PTPRD: variants seen among roughly 807,000 people sequenced by gnomAD.
PTPRD encodes receptor-type tyrosine-protein phosphatase delta.
A neutral mutation model predicts 214.5 loss-of-function variants in PTPRD; 34 were observed. That is an observed-to-expected ratio of 0.16 (90% CI 0.12 to 0.21). The LOEUF is 0.21. Ranked by LOEUF, PTPRD falls within the 10% of genes least tolerant of loss-of-function variation. The probability of loss-of-function intolerance (pLI) is 1.00; values close to 1 mark genes in which losing one functional copy is unlikely to be tolerated. For synonymous variants in PTPRD, 1,128 were observed against 845.7 expected (o/e 1.33, Z -5.79); for missense variants, 2,545 against 2,398.7 (o/e 1.06, Z -1.27).
At chr9:9,458,595 C>T (rs182755580) in intron 8 of PTPRD, among the ~76,000 whole-genome samples, 1 of 152,040 alleles carries the variant, frequency 6.6e-6, no homozygotes, top group East Asian at 1.9e-4. Flanking sequence ...GTTGTTGTTG[C>T]TGTTGTTTCC....
At chr9:9,585,561 C>A (rs946616136) in intron 7 of PTPRD, among the ~76,000 whole-genome samples, 7 of 152,044 alleles carry the variant, frequency 4.6e-5, no homozygotes, top group Middle Eastern at 3.2e-3. Context: ...ACCCACTTTG[C>A]TCCTTGGATT....
At chr9:10,078,194 A>G (rs1440866318) in intron 3 of PTPRD, among the ~76,000 whole-genome samples, 1 of 151,908 alleles carries the variant, frequency 6.6e-6, no homozygotes, top group African/African-American at 2.4e-5. Flanking sequence ...TAATTATGCA[A>G]AATCATAGAT....
chr9:9,428,196 G>A (rs374908726), intron 8 of PTPRD, among the ~76,000 whole-genome samples: 45 of 151,830 alleles, frequency 3.0e-4, no homozygotes, highest in Admixed American at 1.4e-3. Context: ...CACAGGCTCA[G>A]AATAAAGGGA....
chr9:9,321,049 G>T (rs138417514), intron 9 of PTPRD, among the ~76,000 whole-genome samples: 10 of 152,266 alleles, frequency 6.6e-5, no homozygotes, highest in African/African-American at 2.4e-4. Context: ...CAGCATCAGT[G>T]AAAATGATTT....
At chr9:10,591,374 A>C (rs1250262232) in intron 2 of PTPRD, among the ~76,000 whole-genome samples, 9 of 152,086 alleles carry the variant, frequency 5.9e-5, no homozygotes, top group Admixed American at 5.9e-4. Context: ...ACGTGTTTTG[A>C]GAAGACAAAT....
At position 8,331,611 on chromosome 9, in the gene PTPRD, G is replaced by A. The variant is rs1210565234; in HGVS notation, c.5505C>T (p.Gly1835=). ...GQVHKTKEQF[G]QDGPISVHCS... The stretch of plus-strand genomic sequence containing the variant: ...AATGGACTGAAATGGGTCCATCTTG[G>A]CCAAACTGTTCTTTTGTTTTATGGA... Residue 1835 remains glycine (G), a synonymous_variant, in exon 44 of 46, where the codon GGC becomes GGT. Coordinates refer to ENST00000381196, the MANE Select transcript of PTPRD (RefSeq NM_002839.4). The A allele has an allele frequency of 2.5e-6, 4 of 1,598,474 alleles. No individual in the cohort carries two copies. Among genetic ancestry groups the A allele is most frequent in the Middle Eastern group, 1.7e-4 (1 of 5,974 alleles).
chr9:8,322,266 TCTAA>T (rs1281955288), intron 44 of PTPRD, among the ~76,000 whole-genome samples: 1 of 152,136 alleles, frequency 6.6e-6, no homozygotes, highest in African/African-American at 2.4e-5. Flanking sequence ...GTCGCGTGTA[TCTAA>T]CTAACTTTAA....
At position 8,428,239 on chromosome 9, in the gene PTPRD, G is replaced by A. The variant is rs542921033; in HGVS notation, c.4086+8353C>T. On this transcript the variant is annotated intron_variant, in intron 35 of 45. Coordinates refer to ENST00000381196, the MANE Select transcript of PTPRD (RefSeq NM_002839.4). Reference sequence around the variant, plus strand: ...AGGTTTGGACCCAATCTGAGAAGCAGAAAAACTGCCATGTTCGTAAGGAAT... The same window carrying A: ...AGGTTTGGACCCAATCTGAGAAGCAAAAAAACTGCCATGTTCGTAAGGAAT... 2.0e-4 allele frequency among the ~76,000 whole-genome samples: 31 copies of A among 152,230 alleles called. 2 individuals are homozygous for A. The South Asian group carries it at 6.4e-3, about 32-fold the overall frequency.
chr9:9,618,361 T>G (rs1346050738), intron 7 of PTPRD, among the ~76,000 whole-genome samples: 1 of 151,956 alleles, frequency 6.6e-6, no homozygotes, highest in Admixed American at 6.6e-5. Context: ...CTTTAACCTC[T>G]TTTTTCCTCC....
chr9:10,381,300 G>T (rs2097820285), intron 2 of PTPRD, among the ~76,000 whole-genome samples: 1 of 151,900 alleles, frequency 6.6e-6, no homozygotes, highest in South Asian at 2.1e-4. Flanking sequence ...TATTTTAGTT[G>T]CCTAGGAAAC....
rs531039109 is a variant in PTPRD at position 10,072,618 on chromosome 9, C to A, written c.-544-38828G>T. Reference sequence around the variant, plus strand: ...TTCCATTTTTGTCCTATCAGAGTGCCCTTTTTCCAATCCTCCCTGCAATTG... The same window carrying A: ...TTCCATTTTTGTCCTATCAGAGTGCACTTTTTCCAATCCTCCCTGCAATTG... On this transcript the variant is annotated intron_variant, in intron 3 of 45. Transcript: ENST00000381196. 5.3e-5 allele frequency among the ~76,000 whole-genome samples: 8 copies of A among 152,184 alleles called. No individual in the cohort carries two copies. In the South Asian group the frequency reaches 1.5e-3, roughly 28 times the overall value.
chr9:8,577,973 T>A (rs546070212), intron 14 of PTPRD, among the ~76,000 whole-genome samples: 2 of 152,204 alleles, frequency 1.3e-5, no homozygotes, highest in African/African-American at 4.8e-5. Context: ...AGGACTTTGA[T>A]GGTTTTCATC....
intron 6 of PTPRD, among the ~76,000 whole-genome samples, chr9:9,740,306 C>G (rs1321559153): frequency 6.6e-6 from 1 of 151,700 alleles, no homozygotes; most frequent in Non-Finnish European, 1.5e-5. Flanking sequence ...TATTCATAGT[C>G]TTTTGTTCAA....
chr9:9,106,761 T>C (rs2099799250), intron 10 of PTPRD, among the ~76,000 whole-genome samples: 1 of 152,130 alleles, frequency 6.6e-6, no homozygotes, highest in South Asian at 2.1e-4. Context: ...CAATACATGA[T>C]AGTTGTTCTT....
At chr9:8,669,050 A>G (rs2097224280) in intron 12 of PTPRD, among the ~76,000 whole-genome samples, 1 of 152,010 alleles carries the variant, frequency 6.6e-6, no homozygotes, top group East Asian at 1.9e-4. Flanking sequence ...GAGAAGACTC[A>G]ATTCTCTCTC....
intron 7 of PTPRD, among the ~76,000 whole-genome samples, chr9:9,669,789 G>C (rs527291355): frequency 6.6e-6 from 1 of 151,934 alleles, no homozygotes; most frequent in Non-Finnish European, 1.5e-5. Context: ...ACCTTTATGA[G>C]AATATTGAGG....
At chr9:9,370,465 T>C (rs546172102) in intron 9 of PTPRD, among the ~76,000 whole-genome samples, 2 of 151,308 alleles carry the variant, frequency 1.3e-5, no homozygotes, top group East Asian at 1.9e-4. Flanking sequence ...TGATTTTGTA[T>C]GCTGAGACTT....
At chr9:8,640,315 C>G (rs569576707) in intron 12 of PTPRD, among the ~76,000 whole-genome samples, 1 of 152,142 alleles carries the variant, frequency 6.6e-6, no homozygotes, top group South Asian at 2.1e-4. Context: ...CGCCACTGCA[C>G]TACAACCTGG....
At chr9:9,932,185 G>T (rs1027396508) in intron 5 of PTPRD, among the ~76,000 whole-genome samples, 2 of 150,670 alleles carry the variant, frequency 1.3e-5, no homozygotes, top group South Asian at 4.1e-4. Flanking sequence ...CTCCTCCAAA[G>T]GAACGCAGTT....
Sources: allele counts gnomAD v4.1 joint callset (sites outside exome capture counted in the v4.1 genomes callset), GRCh38; gene constraint gnomAD v4.1.1; transcripts MANE v1.5; gene names NCBI Gene and HGNC (gene_info 2026-07-23, HGNC 2026-07-21).